Variants in KLHL29 observed in about 807,000 individuals in gnomAD.
KLHL29 encodes kelch like family member 29.
A neutral mutation model predicts 80.4 loss-of-function variants in KLHL29; 21 were observed. The observed-to-expected ratio is 0.26, with a 90% CI of 0.19 to 0.38. The LOEUF (loss-of-function observed/expected upper bound fraction) is 0.38. KLHL29 is among the 10% of genes least tolerant of loss of function. The pLI, the probability that KLHL29 is intolerant of heterozygous loss-of-function variation, is 1.00. For synonymous variants in KLHL29, 511 were observed against 526.8 expected (o/e 0.97, Z 0.41); for missense variants, 867 against 1,223.9 (o/e 0.71, Z 4.35).
intron 13 of KLHL29, 32 bp from the exon 14 acceptor site, chr2:23,706,449 T>C: frequency 7.1e-7 from 1 of 1,414,696 alleles, no homozygotes; most frequent in Non-Finnish European, 9.2e-7. Context: ...GGAAGTGAAA[T>C]GCCTAACTCT....
chr2:23,519,737 T>C (rs560849285), intron 2 of KLHL29, among the ~76,000 whole-genome samples: 22 of 152,048 alleles, frequency 1.4e-4, no homozygotes, highest in Non-Finnish European at 2.5e-4. Context: ...GAGACATCAA[T>C]CAATATATGT....
chr2:23,699,883 C>T (rs1433199107), intron 11 of KLHL29, among the ~76,000 whole-genome samples: 1 of 152,138 alleles, frequency 6.6e-6, no homozygotes, highest in Non-Finnish European at 1.5e-5. Context: ...TGACCTCTCT[C>T]TTCAGAGATC....
chr2:23,504,905 G>C (rs1454773491), intron 2 of KLHL29, among the ~76,000 whole-genome samples: 1 of 152,190 alleles, frequency 6.6e-6, no homozygotes, highest in African/African-American at 2.4e-5. Context: ...GATGGCCCTG[G>C]TGACCCAGCT....
intron 1 of KLHL29, among the ~76,000 whole-genome samples, chr2:23,390,978 C>T (rs1666308403): frequency 6.6e-6 from 1 of 152,212 alleles, no homozygotes; most frequent in South Asian, 2.1e-4. Flanking sequence ...GTAGCATTCA[C>T]ATTGTTGTGC....
chr2:23,704,648 T>G (rs924528395), intron 13 of KLHL29, among the ~76,000 whole-genome samples: 1 of 152,126 alleles, frequency 6.6e-6, no homozygotes, highest in Non-Finnish European at 1.5e-5. Flanking sequence ...GTGCCTGTAA[T>G]CCCAGCTTCT....
chr2:23,455,523 T>C (rs978612125), intron 1 of KLHL29, among the ~76,000 whole-genome samples: 1 of 152,100 alleles, frequency 6.6e-6, no homozygotes. Flanking sequence ...GCCTTTCTGC[T>C]CTAAGAAGTT....
At chr2:23,506,743 G>A (rs1339319095) in intron 2 of KLHL29, among the ~76,000 whole-genome samples, 2 of 152,190 alleles carry the variant, frequency 1.3e-5, no homozygotes, top group African/African-American at 4.8e-5. Context: ...GGAACCACCG[G>A]CTCTTCCTTT....
At chr2:23,427,875 C>A (rs1429903590) in intron 1 of KLHL29, among the ~76,000 whole-genome samples, 1 of 152,128 alleles carries the variant, frequency 6.6e-6, no homozygotes, top group Non-Finnish European at 1.5e-5. Flanking sequence ...ATGTTGGGAG[C>A]CCATCAGCTG....
At chr2:23,396,386 T>G (rs576233900) in intron 1 of KLHL29, among the ~76,000 whole-genome samples, 24 of 152,356 alleles carry the variant, frequency 1.6e-4, no homozygotes, top group Admixed American at 7.2e-4. Flanking sequence ...TCTTGAGATT[T>G]GGGTAGCCTA....
chr2:23,411,616 C>T (rs564681098), intron 1 of KLHL29, among the ~76,000 whole-genome samples: 2 of 152,138 alleles, frequency 1.3e-5, no homozygotes, highest in East Asian at 3.9e-4. Flanking sequence ...CATCCATTCC[C>T]GCTGTCGGGA....
At chr2:23,520,301 C>G (rs1666053193) in intron 2 of KLHL29, among the ~76,000 whole-genome samples, 1 of 152,198 alleles carries the variant, frequency 6.6e-6, no homozygotes, top group Admixed American at 6.5e-5. Context: ...CTTTCATGGG[C>G]TCAGATACCT....
At chr2:23,610,264 C>A (rs1318455535) in intron 3 of KLHL29, among the ~76,000 whole-genome samples, 1 of 152,206 alleles carries the variant, frequency 6.6e-6, no homozygotes, top group Non-Finnish European at 1.5e-5. Context: ...TCTTGCTGGC[C>A]TCTCGGTACT....
At chr2:23,411,399 G>GTGTT (rs1666856652) in intron 1 of KLHL29, among the ~76,000 whole-genome samples, 1 of 150,520 alleles carries the variant, frequency 6.6e-6, no homozygotes, top group South Asian at 2.2e-4. Flanking sequence ...GTGTGTGTGT[G>GTGTT]TGTGTGTGTG....
chr2:23,397,743 A>G lies in KLHL29; in HGVS notation c.-154+11963A>G, dbSNP rs530776439. 9.8e-5 allele frequency among the ~76,000 whole-genome samples: 15 copies of G among 152,332 alleles called. No homozygotes were observed. The South Asian group carries it at 2.3e-3, about 23-fold the overall frequency. On this transcript the variant is annotated intron_variant, in intron 1 of 13. Transcript: ENST00000486442. ...TTGGCTGTCAGGCCAGCACAGTGGC[A>G]ATTAAAACGTGCTTTCAACTCAACA...
intron 1 of KLHL29, among the ~76,000 whole-genome samples, chr2:23,430,598 C>A (rs2103407963): frequency 6.6e-6 from 1 of 152,306 alleles, no homozygotes; most frequent in East Asian, 1.9e-4. Flanking sequence ...ACATCAGTGC[C>A]CAGTGCCGTT....
intron 2 of KLHL29, among the ~76,000 whole-genome samples, chr2:23,530,708 C>A (rs1409530913): frequency 1.3e-5 from 2 of 152,208 alleles, no homozygotes; most frequent in Non-Finnish European, 2.9e-5. Context: ...CCTCAAGATG[C>A]TCTTCCCTCC....
chr2:23,659,404 A>G (rs1439677079), intron 5 of KLHL29, among the ~76,000 whole-genome samples: 1 of 152,202 alleles, frequency 6.6e-6, no homozygotes, highest in East Asian at 1.9e-4. Context: ...TAACTTTCCC[A>G]TGCTTACCCA....
At chr2:23,429,644 C>A (rs984878924) in intron 1 of KLHL29, among the ~76,000 whole-genome samples, 2 of 151,974 alleles carry the variant, frequency 1.3e-5, no homozygotes, top group Admixed American at 6.6e-5. Context: ...TCTCAGCTAC[C>A]CTGGAAGCTA....
At chr2:23,649,398 G>C (rs1399215732) in intron 5 of KLHL29, among the ~76,000 whole-genome samples, 1 of 152,244 alleles carries the variant, frequency 6.6e-6, no homozygotes, top group Non-Finnish European at 1.5e-5. Context: ...CATGGGGCTT[G>C]TTCATCAGTA....
Sources: allele counts gnomAD v4.1 joint callset (sites outside exome capture counted in the v4.1 genomes callset), GRCh38; gene constraint gnomAD v4.1.1; transcripts MANE v1.5; gene names NCBI Gene and HGNC (gene_info 2026-07-23, HGNC 2026-07-21).